ELAC2: variants seen among roughly 807,000 people sequenced by gnomAD.
ELAC2 encodes zinc phosphodiesterase ELAC protein 2.
A neutral mutation model predicts 105.2 loss-of-function variants in ELAC2; 92 were observed. That is an observed-to-expected ratio of 0.87 (90% CI 0.74 to 1.04). The LOEUF (loss-of-function observed/expected upper bound fraction) is 1.04, where lower values mean the gene tolerates loss of function less well. Among genes scored for constraint, ELAC2 ranks in the 50% least tolerant of loss-of-function variants. The pLI, the probability that ELAC2 is intolerant of heterozygous loss-of-function variation, is 0.00. For missense variants in ELAC2, 1,099 were observed against 1,071.7 expected (o/e 1.03, Z -0.36); for synonymous variants, 468 against 409.1 (o/e 1.14, Z -1.74).
intron 3 of ELAC2, among the ~76,000 whole-genome samples, chr17:13,016,634 G>A (rs574057858): frequency 1.3e-5 from 2 of 151,514 alleles, no homozygotes; most frequent in Non-Finnish European, 2.9e-5. Context: ...AAAAAAATTA[G>A]CCAGGTGTGA....
intron 6 of ELAC2, 50 bp from the exon 7 acceptor site, chr17:13,011,832 C>G: frequency 3.1e-6 from 5 of 1,613,776 alleles, no homozygotes; most frequent in South Asian, 1.1e-5. Context: ...GGTGAGCTGA[C>G]AGCCAAGGCC....
Position 13,013,334 on chromosome 17 carries a change from T to G in ELAC2, c.491-59A>C, listed in dbSNP as rs1411296203. 2.6e-6 allele frequency: 4 copies of G among 1,548,052 alleles called. No homozygotes were observed. The Admixed American group carries it at 7.0e-5, about 27-fold the overall frequency. ...CATTAGTGAAGATGTGTGGGAAGAG[T>G]AACTTCAGGATCACCAACCACGAGC... On this transcript the variant is annotated intron_variant, in intron 5 of 23. Coordinates refer to ENST00000338034, the MANE Select transcript of ELAC2 (RefSeq NM_018127.7).
intron 16 of ELAC2, among the ~76,000 whole-genome samples, chr17:12,997,013 T>C (rs984999529): frequency 9.9e-5 from 15 of 151,940 alleles, no homozygotes; most frequent in South Asian, 4.1e-4. Context: ...ACCATGCAGA[T>C]TGACTGTGGC....
intron 1 of ELAC2, 192 bp from the exon 2 acceptor site, chr17:13,017,313 G>T: frequency 1.5e-6 from 1 of 671,882 alleles, no homozygotes. Flanking sequence ...AGAGGAGTGG[G>T]GGCCTGTGTG....
At chr17:13,002,705 C>T (rs2040883376) in intron 12 of ELAC2, 126 bp from the exon 13 acceptor site, 1 of 1,465,478 alleles carries the variant, frequency 6.8e-7, no homozygotes, top group Non-Finnish European at 9.3e-7. Flanking sequence ...TTGCCCCAAG[C>T]AGTGTTACTA....
chr17:12,996,965 T>C (rs895896598), intron 16 of ELAC2, among the ~76,000 whole-genome samples: 2 of 150,436 alleles, frequency 1.3e-5, no homozygotes, highest in African/African-American at 2.4e-5. Context: ...AAAAAGTTTA[T>C]AGGAGGCTTA....
At chr17:13,017,217 A>G in intron 1 of ELAC2, 96 bp from the exon 2 acceptor site, 1 of 1,273,108 alleles carries the variant, frequency 7.9e-7, no homozygotes, top group Admixed American at 1.9e-5. Flanking sequence ...TGGAAAAAAA[A>G]AAAAGAAAAA....
At chr17:12,996,507 T>G in intron 17 of ELAC2, 40 bp downstream of exon 17, 1 of 1,612,976 alleles carries the variant, frequency 6.2e-7, no homozygotes, top group South Asian at 1.1e-5. Flanking sequence ...TGGCAGTGCC[T>G]CCTCCAGGCT....
intron 5 of ELAC2, among the ~76,000 whole-genome samples, chr17:13,014,090 G>A (rs754997853): frequency 3.3e-5 from 5 of 151,996 alleles, no homozygotes; most frequent in East Asian, 1.9e-4. Flanking sequence ...TCAAGAGATC[G>A]AGACTATCCT....
intron 8 of ELAC2, among the ~76,000 whole-genome samples, chr17:13,009,363 CA>C (rs1194049841): frequency 2.0e-5 from 3 of 152,170 alleles, no homozygotes; most frequent in Non-Finnish European, 4.4e-5. Flanking sequence ...AATCTTTTCA[CA>C]TATTTAGACA....
intron 3 of ELAC2, 70 bp from the exon 4 acceptor site, chr17:13,015,902 G>T: frequency 8.6e-7 from 1 of 1,162,502 alleles, no homozygotes; most frequent in Non-Finnish European, 1.3e-6. Flanking sequence ...GGAGCACCCC[G>T]TACTAATCCA....
chr17:13,000,437 A>T (rs2040723538), intron 14 of ELAC2, 163 bp from the exon 15 acceptor site: 4 of 709,162 alleles, frequency 5.6e-6, no homozygotes, highest in Non-Finnish European at 1.0e-5. Context: ...GGTCTGCTCC[A>T]CCGCCTTTTG....
At chr17:13,001,507 A>G (rs1444174479) in intron 14 of ELAC2, among the ~76,000 whole-genome samples, 1 of 151,730 alleles carries the variant, frequency 6.6e-6, no homozygotes, top group African/African-American at 2.4e-5. Flanking sequence ...AAATAAATAA[A>G]TAAATAAAAT....
intron 7 of ELAC2, among the ~76,000 whole-genome samples, chr17:13,011,189 C>T (rs963805246): frequency 4.6e-5 from 7 of 152,124 alleles, no homozygotes; most frequent in African/African-American, 1.4e-4. Flanking sequence ...AACAAACTCC[C>T]GAAGCGGCCT....
In ELAC2 at chr17:12,995,806, A is replaced by C. The variant is rs375606970; in HGVS notation, c.1705T>G (p.Leu569Val). Reference sequence around the variant, plus strand: ...AGCAAAGGGTGAAGCGGCTTTCCCAAAGATGCCTGGAACAAAAAATGCAAG... The same window carrying C: ...AGCAAAGGGTGAAGCGGCTTTCCCACAGATGCCTGGAACAAAAAATGCAAG... ...LLQRERALAS[L>V]GKPLHPLLVV... is the part of the protein sequence containing the mutation. Residue 569 changes from leucine (L) to valine (V), a missense_variant, in exon 19 of 24, where the codon TTG becomes GTG. By Grantham distance (32) the Leu-to-Val change is conservative (BLOSUM62 1). Coordinates refer to ENST00000338034, the MANE Select transcript of ELAC2 (RefSeq NM_018127.7). 1.1e-5 allele frequency: 18 copies of C among 1,610,030 alleles called. No individual in the cohort carries two copies. The African/African-American group carries it at 2.1e-4, about 19-fold the overall frequency.
In ELAC2 at chr17:12,992,716, G is replaced by A. The variant is rs1294890988; in HGVS notation, c.*102C>T. On this transcript the variant is annotated 3_prime_UTR_variant, in exon 24 of 24. Transcript: ENST00000338034. ...ACCACCTATCCTGAGCTGCCTCCTG[G>A]GGGACCGTGCTCTTCAGCTTCTACC... 3 of 1,419,632 alleles carry A rather than the reference G, an allele frequency of 2.1e-6. No homozygotes were observed. Among genetic ancestry groups the A allele is most frequent in the East Asian group, 2.4e-5 (1 of 42,420 alleles). 87.9% of individuals were successfully genotyped at this position (1,419,632 alleles called of 1,614,324 possible).
Position 13,011,347 on chromosome 17 carries a change from T to C in ELAC2, c.679+316A>G, listed in dbSNP as rs183250391. Among the ~76,000 whole-genome samples the C allele has an allele frequency of 2.0e-5, 3 of 152,314 alleles. No homozygotes were observed. In the East Asian group the frequency reaches 5.8e-4, roughly 29 times the overall value. On this transcript the variant is annotated intron_variant, in intron 7 of 23. Coordinates refer to ENST00000338034, the MANE Select transcript of ELAC2 (RefSeq NM_018127.7). ...CACATTAATGGAAAATTTGCATAAA[T>C]GTTACATTAATGAAAAATACAAAAT...
At position 13,018,011 on chromosome 17, in the gene ELAC2, A is replaced by T; in HGVS notation, c.-64T>A. On this transcript the variant is annotated 5_prime_UTR_variant, in exon 1 of 24. Coordinates refer to ENST00000338034, the MANE Select transcript of ELAC2 (RefSeq NM_018127.7). Reference sequence around the variant, plus strand: ...CCTACGCCCGCGTTTCCCGTGCACCACCTAGCCGCTCCGCATGGCGGATCC... The same window carrying T: ...CCTACGCCCGCGTTTCCCGTGCACCTCCTAGCCGCTCCGCATGGCGGATCC... 6.5e-7 allele frequency: 1 copy of T among 1,532,580 alleles called. No homozygotes were observed. The highest frequency in any genetic ancestry group is 2.4e-5 in the East Asian group (1 of 40,866). The allele number at this position is 1,532,580 out of a possible 1,614,324, so 94.9% of individuals were successfully genotyped here. A position where few individuals can be genotyped will look rare whatever the true frequency, so the allele number is the denominator to read the frequency against.
intron 5 of ELAC2, 140 bp from the exon 6 acceptor site, chr17:13,013,415 A>C: frequency 3.4e-6 from 3 of 883,280 alleles, no homozygotes; most frequent in South Asian, 1.4e-5. Flanking sequence ...AGACTTTCTA[A>C]GGAGATTACC....
Sources: gnomAD v4.1 joint callset for allele counts (sites outside exome capture counted in the v4.1 genomes callset) on GRCh38, gnomAD v4.1.1 for gene constraint, MANE v1.5 for transcripts, NCBI Gene and HGNC (gene_info 2026-07-23, HGNC 2026-07-21) for gene names.